The following PBX3 variants were observed in gnomAD, a reference collection of about 807,000 sequenced individuals.
PBX3 encodes pre-B-cell leukemia transcription factor 3.
A neutral mutation model predicts 48.5 loss-of-function variants in PBX3; 14 were observed. The observed-to-expected ratio is 0.29, with a 90% CI of 0.19 to 0.45. The LOEUF is 0.45. PBX3 is among the 20% of genes least tolerant of loss of function. PBX3 has a pLI of 1.00. For synonymous variants in PBX3, 210 were observed against 200.3 expected, an observed-to-expected ratio of 1.05 and a Z score of -0.41; for missense variants, 386 against 546.7, an observed-to-expected ratio of 0.71 and a Z score of 2.93.
intron 2 of PBX3, among the ~76,000 whole-genome samples, chr9:125,834,889 C>T (rs1441819544): frequency 2.7e-5 from 4 of 149,624 alleles, no homozygotes; most frequent in African/African-American, 7.3e-5. Flanking sequence ...TGGTGGCAGG[C>T]GCCTGTAATC....
intron 2 of PBX3, among the ~76,000 whole-genome samples, chr9:125,854,280 C>A (rs1279390421): frequency 6.6e-6 from 1 of 151,920 alleles, no homozygotes; most frequent in African/African-American, 2.4e-5. Context: ...TACAGGTGAA[C>A]CTCACCATGT....
intron 5 of PBX3, among the ~76,000 whole-genome samples, chr9:125,948,835 A>T (rs1999199): frequency 0.57 from 85,878 of 151,858 alleles, 27,135 homozygotes; most frequent in Middle Eastern, 0.73. Flanking sequence ...AAAAGACTGA[A>T]AATTCAATTC....
intron 2 of PBX3, among the ~76,000 whole-genome samples, chr9:125,871,256 G>A (rs2132320803): frequency 6.6e-6 from 1 of 152,128 alleles, no homozygotes; most frequent in South Asian, 2.1e-4. Flanking sequence ...AATTAGCCAG[G>A]TGTGGTGGTG....
At chr9:125,952,205 T>C (rs1168195962) in intron 5 of PBX3, among the ~76,000 whole-genome samples, 1 of 152,134 alleles carries the variant, frequency 6.6e-6, no homozygotes, top group Non-Finnish European at 1.5e-5. Flanking sequence ...CAATGGAAAA[T>C]TTTTCTAAGA....
At position 125,812,627 on chromosome 9, in the gene PBX3, C is replaced by G. The variant is rs10116638; in HGVS notation, c.274+64004C>G. 6.5e-3 allele frequency among the ~76,000 whole-genome samples: 984 copies of G among 152,352 alleles called. 12 individuals are homozygous for G. Among genetic ancestry groups the G allele is most frequent in the African/African-American group, 0.022 (935 of 41,584 alleles). On this transcript the variant is annotated intron_variant, in intron 2 of 8. Transcript: ENST00000373489. ...TACGCTTTTGCGTGGGTTACGAATACAGTCGTGTCACTTAATGGCAGGGTT... is the reference window on the plus strand; with the variant it reads ...TACGCTTTTGCGTGGGTTACGAATAGAGTCGTGTCACTTAATGGCAGGGTT...
chr9:125,853,616 G>A (rs1002816527), intron 2 of PBX3, among the ~76,000 whole-genome samples: 3 of 152,120 alleles, frequency 2.0e-5, no homozygotes, highest in Admixed American at 6.6e-5. Context: ...ATCCATCTTC[G>A]AATGTATCCA....
intron 5 of PBX3, among the ~76,000 whole-genome samples, chr9:125,937,046 A>T (rs1018026712): frequency 1.3e-5 from 2 of 152,196 alleles, no homozygotes; most frequent in African/African-American, 2.4e-5. Flanking sequence ...CTGTTCTCAC[A>T]ACCACTCTCT....
At chr9:125,780,346 G>A (rs1837228233) in intron 2 of PBX3, among the ~76,000 whole-genome samples, 1 of 142,644 alleles carries the variant, frequency 7.0e-6, no homozygotes, top group East Asian at 2.2e-4. Context: ...TCCCGGACGG[G>A]GCGGCTGGCT....
At chr9:125,781,868 A>G (rs1011944151) in intron 2 of PBX3, among the ~76,000 whole-genome samples, 11 of 151,904 alleles carry the variant, frequency 7.2e-5, no homozygotes, top group African/African-American at 2.4e-4. Flanking sequence ...CTTTTGCTAT[A>G]TAAGTTTTGG....
chr9:125,753,929 G>A (rs531924359), intron 2 of PBX3, among the ~76,000 whole-genome samples: 12 of 152,150 alleles, frequency 7.9e-5, no homozygotes, highest in African/African-American at 9.6e-5. Context: ...TAACGTATTA[G>A]TTGGATTATT....
chr9:125,794,700 G>GT (rs367765267), intron 2 of PBX3, among the ~76,000 whole-genome samples: 90,149 of 143,256 alleles, frequency 0.63, 28,318 homozygotes, highest in East Asian at 0.76. Flanking sequence ...ACTCATGGCT[G>GT]TTTTTTTTTT....
chr9:125,820,385 G>T (rs1317842038), intron 2 of PBX3, among the ~76,000 whole-genome samples: 1 of 152,066 alleles, frequency 6.6e-6, no homozygotes, highest in Non-Finnish European at 1.5e-5. Flanking sequence ...AACTGTTTAG[G>T]GCTTAAATGA....
chr9:125,836,184 G>A (rs1367746337), intron 2 of PBX3, among the ~76,000 whole-genome samples: 1 of 152,306 alleles, frequency 6.6e-6, no homozygotes, highest in East Asian at 1.9e-4. Flanking sequence ...GGTGGCTCAC[G>A]CCTGTAATCC....
intron 2 of PBX3, among the ~76,000 whole-genome samples, chr9:125,856,810 A>G (rs1034934414): frequency 1.3e-5 from 2 of 152,210 alleles, no homozygotes; most frequent in Non-Finnish European, 2.9e-5. Context: ...CCTCTAAATT[A>G]TCAAAGACAG....
chr9:125,797,464 A>G (rs1426025484), intron 2 of PBX3: 1 of 152,136 alleles, frequency 6.6e-6, no homozygotes, highest in East Asian at 1.9e-4. Context: ...CCTCTACTCA[A>G]GGTGAGTTAT....
In PBX3 at chr9:125,888,497, T is replaced by C. The variant is rs1840555383; in HGVS notation, c.275-27189T>C. On this transcript the variant is annotated intron_variant, in intron 2 of 8. Transcript: ENST00000373489. Reference sequence around the variant, plus strand: ...GAGAGGAGAGGCGGCATACATGCTTTACCAGAAACAGATGCTCTCACTTGA... The same window carrying C: ...GAGAGGAGAGGCGGCATACATGCTTCACCAGAAACAGATGCTCTCACTTGA... 2.0e-5 allele frequency among the ~76,000 whole-genome samples: 3 copies of C among 152,106 alleles called. No individual in the cohort carries two copies. In the South Asian group the frequency reaches 6.2e-4, roughly 32 times the overall value.
rs568068029 is a variant in PBX3, at chr9:125,782,552, T to G, written c.274+33929T>G. ...AATAGCCATAATTGTTTTATGCATTTGCCTTTTATTTATATAGGAAACAAT... is the reference window on the plus strand; with the variant it reads ...AATAGCCATAATTGTTTTATGCATTGGCCTTTTATTTATATAGGAAACAAT... On this transcript the variant is annotated intron_variant, in intron 2 of 8. Transcript: ENST00000373489. 5.2e-3 allele frequency among the ~76,000 whole-genome samples: 792 copies of G among 152,396 alleles called. 4 individuals are homozygous for G. The highest frequency in any genetic ancestry group is 0.013 in the South Asian group (65 of 4,832).
chr9:125,929,203 C>A (rs1841658117), intron 3 of PBX3, among the ~76,000 whole-genome samples: 2 of 152,182 alleles, frequency 1.3e-5, no homozygotes. Context: ...CACCAAAGGC[C>A]AGGCCTGCAT....
chr9:125,755,867 G>T (rs1444654728), intron 2 of PBX3, among the ~76,000 whole-genome samples: 1 of 151,704 alleles, frequency 6.6e-6, no homozygotes, highest in Admixed American at 6.6e-5. Context: ...AGTTTTTATT[G>T]TAATGTTTCT....
Sources: gnomAD v4.1 joint callset for allele counts (sites outside exome capture counted in the v4.1 genomes callset) on GRCh38, gnomAD v4.1.1 for gene constraint, MANE v1.5 for transcripts, NCBI Gene and HGNC (gene_info 2026-07-23, HGNC 2026-07-21) for gene names.